PKHD1: variants seen among roughly 807,000 people sequenced by gnomAD.
PKHD1 encodes the protein fibrocystin.
In PKHD1, 291 loss-of-function variants were observed where a neutral mutation model predicts 412.0. The ratio of observed to expected loss-of-function variants is 0.71; its 90% CI spans 0.64 to 0.78. The LOEUF (loss-of-function observed/expected upper bound fraction) is 0.78. Among genes scored for constraint, PKHD1 ranks in the 30% least tolerant of loss-of-function variants. The pLI is 0.00. For missense variants in PKHD1, 4,825 were observed against 4,950.7 expected, an observed-to-expected ratio of 0.97 and a Z score of 0.76; for synonymous variants, 1,777 against 1,821.5, an observed-to-expected ratio of 0.98 and a Z score of 0.62.
At position 52,025,294 on chromosome 6, in the gene PKHD1, C is replaced by T. The variant is rs1232249968; in HGVS notation, c.4516G>A (p.Gly1506Ser). Reference sequence around the variant, plus strand: ...TCAGCTGTGGTGGCTAACCTCTGACCCCTAATCAGCACAGTGGTCAGAGAC... The same window carrying T: ...TCAGCTGTGGTGGCTAACCTCTGACTCCTAATCAGCACAGTGGTCAGAGAC... ...SGSLTTVLIR[G>S]QRLATTADEP... Residue 1506 changes from glycine to serine, a missense_variant, in exon 32 of 67, where the codon GGT (glycine) becomes AGT (serine). By Grantham distance (56) the Gly-to-Ser change is moderately conservative. Coordinates refer to ENST00000371117, the MANE Select transcript of PKHD1 (RefSeq NM_138694.4). 1.2e-6 allele frequency: 2 copies of T among 1,613,870 alleles called. No homozygotes were observed. The highest frequency in any genetic ancestry group is 2.2e-5 in the East Asian group (1 of 44,890).
At chr6:51,813,974 C>T (rs1029371011) in intron 52 of PKHD1, among the ~76,000 whole-genome samples, 2 of 152,156 alleles carry the variant, frequency 1.3e-5, no homozygotes, top group African/African-American at 4.8e-5. Context: ...CCACATTTCT[C>T]ACACAGCTTT....
intron 52 of PKHD1, among the ~76,000 whole-genome samples, chr6:51,808,550 GTA>G (rs1195159756): frequency 6.6e-6 from 1 of 151,978 alleles, no homozygotes; most frequent in Non-Finnish European, 1.5e-5. Context: ...GTGTGTTTAT[GTA>G]TGTGTGTCTT....
chr6:52,054,890 C>T (rs1172817687), intron 19 of PKHD1, among the ~76,000 whole-genome samples: 2 of 152,164 alleles, frequency 1.3e-5, no homozygotes, highest in Non-Finnish European at 2.9e-5. Flanking sequence ...AAACATTTAG[C>T]CCCAACTCCC....
At chr6:51,861,431 T>G (rs1257838014) in intron 48 of PKHD1, among the ~76,000 whole-genome samples, 1 of 152,206 alleles carries the variant, frequency 6.6e-6, no homozygotes, top group Non-Finnish European at 1.5e-5. Context: ...GTGAAATAAA[T>G]CCTCTGTAAT....
intron 18 of PKHD1, 73 bp from the exon 19 acceptor site, chr6:52,055,802 C>G (rs1024697016): frequency 3.3e-6 from 5 of 1,506,472 alleles, no homozygotes; most frequent in Non-Finnish European, 4.6e-6. Context: ...TACATGTGTG[C>G]ATGAGGATTT....
intron 43 of PKHD1, among the ~76,000 whole-genome samples, chr6:51,902,860 T>C (rs1781495187): frequency 6.6e-6 from 1 of 152,176 alleles, no homozygotes; most frequent in African/African-American, 2.4e-5. Context: ...TACTAAATAA[T>C]GGGATTTTAA....
intron 10 of PKHD1, among the ~76,000 whole-genome samples, 166 bp from the exon 11 acceptor site, chr6:52,069,693 A>G (rs1327433167): frequency 6.6e-6 from 1 of 152,200 alleles, no homozygotes; most frequent in Non-Finnish European, 1.5e-5. Flanking sequence ...AACAGGACAA[A>G]GTTGTTTTCT....
At chr6:51,963,623 T>C (rs1482902472) in intron 35 of PKHD1, among the ~76,000 whole-genome samples, 1 of 152,088 alleles carries the variant, frequency 6.6e-6, no homozygotes, top group Non-Finnish European at 1.5e-5. Flanking sequence ...TTAACAGAGC[T>C]GGTGCTATCA....
At chr6:51,661,360 G>C (rs1005287727) in intron 60 of PKHD1, among the ~76,000 whole-genome samples, 2 of 152,124 alleles carry the variant, frequency 1.3e-5, no homozygotes, top group Non-Finnish European at 2.9e-5. Flanking sequence ...TATAAGAGAA[G>C]GGGTAGTAAC....
intron 40 of PKHD1, among the ~76,000 whole-genome samples, chr6:51,907,401 A>T (rs1782276338): frequency 6.6e-6 from 1 of 152,110 alleles, no homozygotes; most frequent in Non-Finnish European, 1.5e-5. Context: ...CTCATCAAGG[A>T]TCCACCCCAA....
At chr6:51,920,486 T>A (rs912393667) in intron 37 of PKHD1, among the ~76,000 whole-genome samples, 3 of 152,330 alleles carry the variant, frequency 2.0e-5, no homozygotes, top group Non-Finnish European at 2.9e-5. Context: ...CCACTTGATC[T>A]TGGTGGATAA....
At chr6:51,748,694 T>C (rs747265912) in intron 57 of PKHD1, 29 bp from the exon 58 acceptor site, 1 of 1,608,154 alleles carries the variant, frequency 6.2e-7, no homozygotes, top group Non-Finnish European at 8.5e-7. Context: ...CATCAGGTAC[T>C]TTCCTCTTCC....
intron 60 of PKHD1, among the ~76,000 whole-genome samples, chr6:51,709,838 A>T (rs1780437944): frequency 7.1e-6 from 1 of 139,888 alleles, no homozygotes; most frequent in Non-Finnish European, 1.5e-5. Context: ...CCTGACATCT[A>T]TGCTTTAGTC....
intron 66 of PKHD1, 123 bp downstream of exon 66, chr6:51,626,874 T>A: frequency 1.0e-6 from 1 of 967,544 alleles, no homozygotes; most frequent in South Asian, 1.3e-5. Flanking sequence ...TGAAGGAAAG[T>A]AACAAAGACT....
At chr6:51,936,878 T>C (rs1435232334) in intron 36 of PKHD1, among the ~76,000 whole-genome samples, 1 of 152,136 alleles carries the variant, frequency 6.6e-6, no homozygotes, top group Non-Finnish European at 1.5e-5. Flanking sequence ...AACTGAAGTA[T>C]TTTACCCCAA....
At chr6:51,823,665 T>A (rs1766836012) in intron 52 of PKHD1, among the ~76,000 whole-genome samples, 1 of 152,222 alleles carries the variant, frequency 6.6e-6, no homozygotes, top group African/African-American at 2.4e-5. Flanking sequence ...ATTTATATTT[T>A]TATGTTTATT....
chr6:51,985,714 G>C (rs1032326935), intron 35 of PKHD1, among the ~76,000 whole-genome samples: 1 of 152,150 alleles, frequency 6.6e-6, no homozygotes, highest in Non-Finnish European at 1.5e-5. Flanking sequence ...GGGCAACAGA[G>C]TGAGAATCCA....
At chr6:52,048,237 C>T (rs896421550) in intron 23 of PKHD1, among the ~76,000 whole-genome samples, 1 of 152,226 alleles carries the variant, frequency 6.6e-6, no homozygotes, top group Non-Finnish European at 1.5e-5. Context: ...TTACAACAGT[C>T]CCAGGAAGCT....
chr6:51,639,024 C>A, intron 63 of PKHD1, 68 bp from the exon 64 acceptor site: 1 of 1,147,124 alleles, frequency 8.7e-7, no homozygotes, highest in Non-Finnish European at 1.3e-6. Context: ...TTCATGTCTT[C>A]TGCGAAGGCA....
Sources: gnomAD v4.1 joint callset for allele counts (sites outside exome capture counted in the v4.1 genomes callset) on GRCh38, gnomAD v4.1.1 for gene constraint, MANE v1.5 for transcripts, NCBI Gene and HGNC (gene_info 2026-07-23, HGNC 2026-07-21) for gene names.